The following GLYR1 variants were observed in gnomAD, a reference collection of about 807,000 sequenced individuals.
GLYR1 encodes the protein cytokine-like nuclear factor N-PAC.
GLYR1 carries 21 observed loss-of-function variants against 72.7 expected under a neutral mutation model. The observed-to-expected ratio is 0.29, with a 90% CI of 0.20 to 0.42. The LOEUF is 0.42. Ranked by LOEUF, GLYR1 falls within the 10% of genes least tolerant of loss-of-function variation. The pLI is 1.00. For synonymous variants in GLYR1, 392 were observed against 270.2 expected, an observed-to-expected ratio of 1.45 and a Z score of -4.42; for missense variants, 594 against 712.1, an observed-to-expected ratio of 0.83 and a Z score of 1.89.
At position 4,832,213 on chromosome 16, in the gene GLYR1, G is replaced by C. The variant is rs774711628; in HGVS notation, c.303C>G (p.Ser101=). Residue 101 remains serine, a synonymous_variant, in exon 5 of 16, where the codon TCC becomes TCG. Transcript: ENST00000321919. ...RRAKGKDQTS[S]HNSSDDKNRR... ...GATTCTTGTCATCAGAAGAATTGTG[G>C]GATGACGTCTGAAAGTTTAATAATA... 1.6e-5 allele frequency: 26 copies of C among 1,613,908 alleles called. No individual in the cohort carries two copies. The highest frequency in any genetic ancestry group is 2.2e-5 in the Non-Finnish European group (26 of 1,179,936).
At chr16:4,805,958 G>C (rs2082943992) in intron 15 of GLYR1, among the ~76,000 whole-genome samples, 1 of 152,138 alleles carries the variant, frequency 6.6e-6, no homozygotes, top group Admixed American at 6.6e-5. Context: ...TCCAGTCTGG[G>C]TGACAGAGCG....
At chr16:4,845,200 C>T (rs2085909854) in intron 2 of GLYR1, 47 bp from the exon 3 acceptor site, 10 of 1,392,110 alleles carry the variant, frequency 7.2e-6, no homozygotes, top group Non-Finnish European at 9.2e-6. Flanking sequence ...ACACAGCAGC[C>T]CACTTTCTAG....
Position 4,821,455 on chromosome 16 carries a change from T to C in GLYR1, c.733-2A>G, listed in dbSNP as rs1420184482. 1 of 1,614,098 alleles carries C rather than the reference T, an allele frequency of 6.2e-7. No individual in the cohort carries two copies. On this transcript the variant is annotated splice_acceptor_variant, in intron 8 of 15. Coordinates refer to ENST00000321919, the MANE Select transcript of GLYR1 (RefSeq NM_032569.4). LOFTEE classifies it high-confidence loss of function. ...CTGGATGGAGGTGGAGCCAGTTTCCTACGGACAGGAAGCACACATCATCAA... is the reference window on the plus strand; with the variant it reads ...CTGGATGGAGGTGGAGCCAGTTTCCCACGGACAGGAAGCACACATCATCAA...
At chr16:4,837,976 G>C (rs1027991898) in intron 3 of GLYR1, among the ~76,000 whole-genome samples, 9 of 146,086 alleles carry the variant, frequency 6.2e-5, no homozygotes, top group African/African-American at 7.6e-5. Context: ...AATAAATAAA[G>C]ATAAGAATAA....
chr16:4,821,897 G>A (rs968132247), intron 7 of GLYR1, among the ~76,000 whole-genome samples: 1 of 152,148 alleles, frequency 6.6e-6, no homozygotes, highest in African/African-American at 2.4e-5. Flanking sequence ...CACGGCTCAG[G>A]CCACCCCATA....
At chr16:4,829,371 T>C (rs546415052) in intron 5 of GLYR1, among the ~76,000 whole-genome samples, 7 of 152,036 alleles carry the variant, frequency 4.6e-5, no homozygotes, top group East Asian at 3.9e-4. Flanking sequence ...AGTGGTGGAA[T>C]TGTAGGTCAC....
At chr16:4,834,398 C>A (rs1267695292) in intron 3 of GLYR1, among the ~76,000 whole-genome samples, 1 of 146,216 alleles carries the variant, frequency 6.8e-6, no homozygotes, top group African/African-American at 2.6e-5. Flanking sequence ...CTCCTAGGTT[C>A]AAGTGATTCT....
At chr16:4,813,245 G>A (rs2083431743) in intron 12 of GLYR1, among the ~76,000 whole-genome samples, 2 of 152,114 alleles carry the variant, frequency 1.3e-5, no homozygotes, top group Non-Finnish European at 2.9e-5. Context: ...TTACAGGCGT[G>A]AGCCACCGCG....
chr16:4,844,279 G>C (rs1326041355), intron 3 of GLYR1, among the ~76,000 whole-genome samples: 1 of 152,102 alleles, frequency 6.6e-6, no homozygotes, highest in African/African-American at 2.4e-5. Context: ...CAGATTAATG[G>C]TCCTGGTTTC....
chr16:4,837,300 G>A (rs975549957), intron 3 of GLYR1, among the ~76,000 whole-genome samples: 3 of 152,060 alleles, frequency 2.0e-5, no homozygotes, highest in Non-Finnish European at 4.4e-5. Context: ...AGTTGTGGTA[G>A]CACACGTCTG....
intron 3 of GLYR1, among the ~76,000 whole-genome samples, chr16:4,835,683 T>A (rs181308866): frequency 6.6e-6 from 1 of 152,044 alleles, no homozygotes; most frequent in Non-Finnish European, 1.5e-5. Flanking sequence ...ATATAAAAAT[T>A]AGCTGGGTGT....
intron 5 of GLYR1, among the ~76,000 whole-genome samples, chr16:4,826,148 A>G (rs1246779750): frequency 6.6e-6 from 1 of 152,066 alleles, no homozygotes; most frequent in African/African-American, 2.4e-5. Flanking sequence ...CTTGAGCTCA[A>G]GTGATCTTCC....
chr16:4,817,427 G>C (rs947025371), intron 10 of GLYR1, among the ~76,000 whole-genome samples, 171 bp downstream of exon 10: 3 of 152,018 alleles, frequency 2.0e-5, no homozygotes, highest in Non-Finnish European at 4.4e-5. Flanking sequence ...CAAATGTTTA[G>C]GTTTTATAAT....
intron 3 of GLYR1, chr16:4,843,356 T>A (rs1178429102): frequency 3.7e-6 from 2 of 538,536 alleles, no homozygotes; most frequent in Non-Finnish European, 5.2e-6. Flanking sequence ...GGTTTTGCCA[T>A]GTTGGCCAGG....
At chr16:4,813,895 C>G in intron 11 of GLYR1, 57 bp from the exon 12 acceptor site, 1 of 1,329,144 alleles carries the variant, frequency 7.5e-7, no homozygotes, top group Non-Finnish European at 1.0e-6. Context: ...TGCTCAGGAG[C>G]CCTACAGACC....
At chr16:4,831,119 T>C (rs551681784) in intron 5 of GLYR1, among the ~76,000 whole-genome samples, 14 of 152,328 alleles carry the variant, frequency 9.2e-5, no homozygotes, top group African/African-American at 3.4e-4. Flanking sequence ...GGAATGAAGA[T>C]GGAAATCCTC....
chr16:4,830,079 C>T (rs939639288), intron 5 of GLYR1, among the ~76,000 whole-genome samples: 5 of 152,108 alleles, frequency 3.3e-5, no homozygotes, highest in African/African-American at 9.7e-5. Flanking sequence ...GCTAGGATTA[C>T]AGGTGTGAGC....
chr16:4,807,519 T>C (rs1259966943), intron 15 of GLYR1, among the ~76,000 whole-genome samples: 1 of 152,052 alleles, frequency 6.6e-6, no homozygotes, highest in Non-Finnish European at 1.5e-5. Flanking sequence ...GAACCACATA[T>C]CAATACAACT....
rs534890297 is a variant in GLYR1, at chr16:4,805,909, A to G, written c.1588-599T>C. Reference sequence around the variant, plus strand: ...GGCAGGAGAATAGCTTGAACCTGGGAGGCGGAGGTTGCAGTGAGCTGAGAT... The same window carrying G: ...GGCAGGAGAATAGCTTGAACCTGGGGGGCGGAGGTTGCAGTGAGCTGAGAT... On this transcript the variant is annotated intron_variant, in intron 15 of 15. Transcript: ENST00000321919. Among the ~76,000 whole-genome samples the G allele has an allele frequency of 3.1e-3, 476 of 152,276 alleles. 2 individuals are homozygous for G. The highest frequency in any genetic ancestry group is 0.01 in the African/African-American group (420 of 41,552).
Sources: allele counts gnomAD v4.1 joint callset (sites outside exome capture counted in the v4.1 genomes callset), GRCh38; gene constraint gnomAD v4.1.1; transcripts MANE v1.5; gene names NCBI Gene and HGNC (gene_info 2026-07-23, HGNC 2026-07-21).